The following MATCAP2 variants were observed in gnomAD, a reference collection of about 807,000 sequenced individuals.
The protein encoded by MATCAP2 is microtubule associated tyrosine carboxypeptidase 2, also known as putative tyrosine carboxypeptidase MATCAP2.
At chr7:36,346,983 A>G in the MATCAP2 span, among the ~76,000 whole-genome samples, 1 of 151,272 alleles carries the variant, frequency 6.6e-6, no homozygotes, top group South Asian at 2.1e-4. Context: ...CTGGTCTCAA[A>G]CTCCTGACCT....
chr7:36,358,456 C>G, the MATCAP2 span, among the ~76,000 whole-genome samples: 1 of 152,110 alleles, frequency 6.6e-6, no homozygotes, highest in Non-Finnish European at 1.5e-5. Context: ...CTTCATAATT[C>G]TAAGCTGTAC....
chr7:36,361,631 C>CT, the MATCAP2 span, among the ~76,000 whole-genome samples: 1 of 152,170 alleles, frequency 6.6e-6, no homozygotes, highest in Non-Finnish European at 1.5e-5. Flanking sequence ...TGGCACATGC[C>CT]TGTAGTCCCA....
At chr7:36,354,137 C>T in the MATCAP2 span, among the ~76,000 whole-genome samples, 1 of 152,334 alleles carries the variant, frequency 6.6e-6, no homozygotes, top group African/African-American at 2.4e-5. Flanking sequence ...GCTGAGGCTA[C>T]CATGGCTGCC....
the MATCAP2 span, among the ~76,000 whole-genome samples, chr7:36,364,070 C>A: frequency 6.9e-6 from 1 of 144,238 alleles, no homozygotes; most frequent in African/African-American, 2.6e-5. Flanking sequence ...ATCCCGGAAG[C>A]TAAAGTAGAA....
chr7:36,346,001 T>C, the MATCAP2 span, among the ~76,000 whole-genome samples: 9 of 151,932 alleles, frequency 5.9e-5, no homozygotes, highest in Non-Finnish European at 8.8e-5. Context: ...AACTGAAAAA[T>C]TGGCAAAGGA....
the MATCAP2 span, among the ~76,000 whole-genome samples, chr7:36,382,789 A>T: frequency 0.24 from 36,564 of 152,180 alleles, 5,180 homozygotes; most frequent in South Asian, 0.36. Context: ...CACCACGCCC[A>T]GCCAAAAATA....
the MATCAP2 span, among the ~76,000 whole-genome samples, chr7:36,334,396 G>A: frequency 6.6e-6 from 1 of 151,930 alleles, no homozygotes; most frequent in Non-Finnish European, 1.5e-5. Context: ...TTAGCTGGGT[G>A]TGGTGGTGTG....
chr7:36,328,908 T>C, the MATCAP2 span, among the ~76,000 whole-genome samples: 2 of 151,896 alleles, frequency 1.3e-5, no homozygotes, highest in African/African-American at 4.8e-5. Context: ...CCGGGTGTGG[T>C]GGTGGATGCC....
the MATCAP2 span, among the ~76,000 whole-genome samples, chr7:36,375,708 T>A: frequency 5.3e-5 from 8 of 152,176 alleles, no homozygotes; most frequent in African/African-American, 1.9e-4. Flanking sequence ...GCTGTGAATC[T>A]GTCTGGTGCT....
chr7:36,368,070 A>G, the MATCAP2 span: 1 of 152,042 alleles, frequency 6.6e-6, no homozygotes, highest in East Asian at 1.9e-4. Context: ...AAAAAAAAAA[A>G]AGTACGGTGG....
the MATCAP2 span, among the ~76,000 whole-genome samples, chr7:36,384,464 T>C: frequency 6.6e-4 from 100 of 152,372 alleles, no homozygotes; most frequent in South Asian, 0.02. Context: ...CTTATATTCA[T>C]TTATTTAACA....
At chr7:36,336,044 C>G in the MATCAP2 span, 2 of 775,740 alleles carry the variant, frequency 2.6e-6, no homozygotes, top group Non-Finnish European at 3.5e-6. Flanking sequence ...GCACTCCAGT[C>G]TGGGCAACAG....
At chr7:36,332,852 A>G in the MATCAP2 span, among the ~76,000 whole-genome samples, 1 of 152,204 alleles carries the variant, frequency 6.6e-6, no homozygotes, top group Non-Finnish European at 1.5e-5. Context: ...ACCTGAACCC[A>G]GAAGGCAGAG....
At chr7:36,371,785 G>C in the MATCAP2 span, among the ~76,000 whole-genome samples, 2 of 152,050 alleles carry the variant, frequency 1.3e-5, no homozygotes, top group African/African-American at 4.8e-5. Context: ...TCCAGAGACA[G>C]GGTCTCACTC....
the MATCAP2 span, among the ~76,000 whole-genome samples, chr7:36,330,793 A>G: frequency 6.6e-6 from 1 of 152,230 alleles, no homozygotes; most frequent in South Asian, 2.1e-4. Context: ...CTTATTGACC[A>G]TAAAGAAATT....
the MATCAP2 span, among the ~76,000 whole-genome samples, chr7:36,386,701 C>A: frequency 6.6e-6 from 1 of 152,092 alleles, no homozygotes; most frequent in East Asian, 1.9e-4. Flanking sequence ...AATTGAAAGT[C>A]CAATAAATAA....
the MATCAP2 span, among the ~76,000 whole-genome samples, chr7:36,359,430 A>G: frequency 6.6e-6 from 1 of 152,258 alleles, no homozygotes; most frequent in Non-Finnish European, 1.5e-5. Context: ...TCTAGGGTAA[A>G]GAGACAGTAC....
the MATCAP2 span, chr7:36,336,224 C>T: frequency 6.5e-7 from 1 of 1,536,120 alleles, no homozygotes; most frequent in Admixed American, 2.0e-5. Context: ...AGAGAGCAAG[C>T]TACCACCAGT....
At chr7:36,356,963 T>C in the MATCAP2 span, 29 of 1,614,128 alleles carry the variant, frequency 1.8e-5, no homozygotes, top group African/African-American at 2.7e-5. Flanking sequence ...CAGAGCAGGA[T>C]TGGCATACTC....
Sources: gnomAD v4.1 joint callset for allele counts (sites outside exome capture counted in the v4.1 genomes callset) on GRCh38, gnomAD v4.1.1 for gene constraint, MANE v1.5 for transcripts, NCBI Gene and HGNC (gene_info 2026-07-23, HGNC 2026-07-21) for gene names.